The following RBFOX1 variants were observed in gnomAD, a reference collection of about 807,000 sequenced individuals.
RBFOX1 encodes RNA binding fox-1 homolog 1.
A neutral mutation model predicts 57.7 loss-of-function variants in RBFOX1; 8 were observed. The ratio of observed to expected loss-of-function variants is 0.14; its 90% CI spans 0.08 to 0.25. The LOEUF (loss-of-function observed/expected upper bound fraction) is 0.25, where lower values mean the gene tolerates loss of function less well. RBFOX1 is among the 10% of genes least tolerant of loss of function. The probability of loss-of-function intolerance (pLI) is 1.00; values close to 1 mark genes in which losing one functional copy is unlikely to be tolerated. For synonymous variants in RBFOX1, 326 were observed against 222.4 expected (o/e 1.47, Z -4.15); for missense variants, 611 against 548.5 (o/e 1.11, Z -1.14).
At chr16:6,601,306 A>G (rs2097850001) in intron 2 of RBFOX1, among the ~76,000 whole-genome samples, 1 of 152,142 alleles carries the variant, frequency 6.6e-6, no homozygotes, top group Non-Finnish European at 1.5e-5. Context: ...TAAGCTTCTT[A>G]CACTCTCCCC....
At chr16:7,003,196 C>T (rs535436757) in intron 3 of RBFOX1, among the ~76,000 whole-genome samples, 7 of 152,162 alleles carry the variant, frequency 4.6e-5, no homozygotes, top group Non-Finnish European at 8.8e-5. Context: ...CACGGTGGCT[C>T]ACGCCTGTAA....
chr16:6,708,015 C>G (rs1014709856), intron 3 of RBFOX1, among the ~76,000 whole-genome samples: 1 of 152,010 alleles, frequency 6.6e-6, no homozygotes, highest in Non-Finnish European at 1.5e-5. Flanking sequence ...GGTTTCAAAA[C>G]CTTAGTTTCA....
chr16:7,202,788 C>T (rs757950381), intron 4 of RBFOX1, among the ~76,000 whole-genome samples: 3 of 152,142 alleles, frequency 2.0e-5, no homozygotes, highest in African/African-American at 4.8e-5. Flanking sequence ...ATCCTGAAAC[C>T]ATCCCCTGCA....
intron 3 of RBFOX1, among the ~76,000 whole-genome samples, chr16:6,814,310 A>C (rs2089542544): frequency 6.6e-6 from 1 of 152,096 alleles, no homozygotes. Context: ...TTCAAACTGA[A>C]AGCAAGAAAG....
At chr16:6,979,500 C>T (rs1314697583) in intron 3 of RBFOX1, among the ~76,000 whole-genome samples, 2 of 152,136 alleles carry the variant, frequency 1.3e-5, no homozygotes, top group African/African-American at 2.4e-5. Context: ...GATTGAAGGG[C>T]TGTATGTTGT....
chr16:7,501,951 A>G (rs1404289775), intron 4 of RBFOX1, among the ~76,000 whole-genome samples: 1 of 152,168 alleles, frequency 6.6e-6, no homozygotes. Context: ...CCTGACATCC[A>G]ACAGATACTC....
chr16:6,166,568 C>G (rs1466430602), intron 1 of RBFOX1, among the ~76,000 whole-genome samples: 1 of 152,072 alleles, frequency 6.6e-6, no homozygotes, highest in Non-Finnish European at 1.5e-5. Context: ...ACAAGGGTGA[C>G]CTGAGACTCC....
chr16:6,651,826 G>A (rs1405441759), intron 2 of RBFOX1, among the ~76,000 whole-genome samples: 1 of 152,138 alleles, frequency 6.6e-6, no homozygotes, highest in Non-Finnish European at 1.5e-5. Flanking sequence ...TCCACAGATG[G>A]CGCTTATGAA....
At chr16:6,492,349 C>T (rs893274052) in intron 2 of RBFOX1, among the ~76,000 whole-genome samples, 6 of 152,174 alleles carry the variant, frequency 3.9e-5, no homozygotes, top group African/African-American at 1.4e-4. Flanking sequence ...GAAGGAGGAT[C>T]ATGAGGTCAG....
chr16:5,707,742 T>C (rs1238825578), intron 3 of RBFOX1, among the ~76,000 whole-genome samples: 1 of 152,190 alleles, frequency 6.6e-6, no homozygotes, highest in Non-Finnish European at 1.5e-5. Flanking sequence ...TAATACCTTA[T>C]TGGGTTCCTT....
chr16:6,904,598 C>CAAAAAAAAAAAAAAAAAA (rs2069311907), intron 3 of RBFOX1, among the ~76,000 whole-genome samples: 1 of 45,862 alleles, frequency 2.2e-5, no homozygotes, highest in Admixed American at 3.8e-4. Context: ...GAGACTCTCT[C>CAAAAAAAAAAAAAAAAAA]TAAAAAAAAA....
intron 11 of RBFOX1, among the ~76,000 whole-genome samples, chr16:7,641,279 G>C (rs1017309745): frequency 6.6e-5 from 10 of 152,168 alleles, no homozygotes; most frequent in African/African-American, 9.6e-5. Flanking sequence ...AAGACCATGA[G>C]GAGCAGCTCA....
intron 1 of RBFOX1, among the ~76,000 whole-genome samples, chr16:6,140,894 A>G (rs1225573386): frequency 1.3e-5 from 2 of 152,192 alleles, no homozygotes; most frequent in African/African-American, 2.4e-5. Flanking sequence ...AGTGCTGTGC[A>G]AATAACCATC....
chr16:6,748,618 C>G (rs1205218197), intron 3 of RBFOX1, among the ~76,000 whole-genome samples: 2 of 152,132 alleles, frequency 1.3e-5, no homozygotes, highest in African/African-American at 4.8e-5. Flanking sequence ...ATAATTACAC[C>G]ACTGCACTCC....
chr16:5,710,135 T>G (rs1254333994), intron 3 of RBFOX1, among the ~76,000 whole-genome samples: 1 of 151,744 alleles, frequency 6.6e-6, no homozygotes, highest in Non-Finnish European at 1.5e-5. Context: ...GATTATAAGC[T>G]CCCACGAAAT....
intron 3 of RBFOX1, among the ~76,000 whole-genome samples, chr16:5,723,238 C>T (rs2052002379): frequency 6.6e-6 from 1 of 152,292 alleles, no homozygotes; most frequent in South Asian, 2.1e-4. Flanking sequence ...ATGACATGAG[C>T]ACAGTGACTG....
chr16:7,504,508 C>T (rs926380966), intron 4 of RBFOX1, among the ~76,000 whole-genome samples: 2 of 150,432 alleles, frequency 1.3e-5, no homozygotes, highest in African/African-American at 2.5e-5. Flanking sequence ...CACCATAACT[C>T]TCACAAATAT....
chr16:6,062,218 GT>G (rs2095696485), intron 1 of RBFOX1, among the ~76,000 whole-genome samples: 1 of 152,112 alleles, frequency 6.6e-6, no homozygotes, highest in Non-Finnish European at 1.5e-5. Flanking sequence ...GTCCTTTCAG[GT>G]TTTTATGGAG....
intron 3 of RBFOX1, among the ~76,000 whole-genome samples, chr16:6,811,560 C>A (rs1000550902): frequency 1.3e-5 from 2 of 152,084 alleles, no homozygotes; most frequent in East Asian, 3.9e-4. Flanking sequence ...TGTTTTCTGG[C>A]GTTGGGAAGA....
Sources: allele counts gnomAD v4.1 joint callset (sites outside exome capture counted in the v4.1 genomes callset), GRCh38; gene constraint gnomAD v4.1.1; transcripts MANE v1.5; gene names NCBI Gene and HGNC (gene_info 2026-07-23, HGNC 2026-07-21).